The following DGCR2 variants were observed in gnomAD, a reference collection of about 807,000 sequenced individuals.
The protein encoded by DGCR2 is DiGeorge syndrome critical region gene 2.
Under a neutral mutation model 51.6 loss-of-function variants are expected in DGCR2, and 24 were observed. The ratio of observed to expected loss-of-function variants is 0.47; its 90% CI spans 0.34 to 0.65. The LOEUF is 0.65. Ranked by LOEUF, DGCR2 falls within the 30% of genes least tolerant of loss-of-function variation. The pLI is 0.01. For missense variants in DGCR2, 765 were observed against 772.1 expected, an observed-to-expected ratio of 0.99 and a Z score of 0.11; for synonymous variants, 340 against 315.4, an observed-to-expected ratio of 1.08 and a Z score of -0.82.
intron 1 of DGCR2, among the ~76,000 whole-genome samples, chr22:19,097,150 G>A (rs767203386): frequency 7.9e-5 from 12 of 152,134 alleles, no homozygotes; most frequent in Non-Finnish European, 1.3e-4. Context: ...CTTCCCCCAT[G>A]CACCACATCC....
chr22:19,062,418 TC>T (rs1357966306), intron 5 of DGCR2, among the ~76,000 whole-genome samples: 1 of 152,148 alleles, frequency 6.6e-6, no homozygotes, highest in Non-Finnish European at 1.5e-5. Context: ...TTCAACCCTG[TC>T]CCCAGGCCCA....
intron 7 of DGCR2, among the ~76,000 whole-genome samples, chr22:19,045,812 T>G (rs1245375099): frequency 6.6e-6 from 1 of 152,164 alleles, no homozygotes; most frequent in Non-Finnish European, 1.5e-5. Context: ...CTGTAACCTT[T>G]ACCTCCCAGG....
intron 2 of DGCR2, among the ~76,000 whole-genome samples, chr22:19,069,325 G>A (rs1386906658): frequency 1.3e-5 from 2 of 152,200 alleles, no homozygotes; most frequent in African/African-American, 4.8e-5. Context: ...CTCTCCAGCA[G>A]GTTGGTTCTG....
intron 6 of DGCR2, among the ~76,000 whole-genome samples, chr22:19,054,485 T>C (rs940996942): frequency 6.6e-6 from 1 of 152,388 alleles, no homozygotes; most frequent in South Asian, 2.1e-4. Flanking sequence ...AAGGTGGTTC[T>C]ATCAAACACT....
chr22:19,063,163 G>A lies in DGCR2; in HGVS notation c.625+39C>T, dbSNP rs777550649. ...GGAGGCCCCGAATCAGGGTGACTCT[G>A]CCCAGCTTCAAACACTCCCACACAC... On this transcript the variant is annotated intron_variant, in intron 5 of 9. Transcript: ENST00000263196. The A allele has an allele frequency of 4.5e-5, 72 of 1,590,628 alleles. 1 individual carries two copies. The highest frequency in any genetic ancestry group is 2.7e-4 in the South Asian group (24 of 90,526).
chr22:19,062,769 A>G (rs554725638), intron 5 of DGCR2, among the ~76,000 whole-genome samples: 30 of 121,570 alleles, frequency 2.5e-4, no homozygotes, highest in African/African-American at 8.5e-4. Flanking sequence ...ACACACACAC[A>G]TGCATGCTCA....
chr22:19,090,560 T>C (rs1330647596), intron 1 of DGCR2, among the ~76,000 whole-genome samples: 2 of 152,220 alleles, frequency 1.3e-5, no homozygotes, highest in Admixed American at 1.3e-4. Context: ...TACAATTATT[T>C]AAAGCAAACA....
chr22:19,065,914 A>G (rs949713306), intron 3 of DGCR2: 3 of 152,212 alleles, frequency 2.0e-5, no homozygotes, highest in Non-Finnish European at 4.4e-5. Flanking sequence ...TGGCACTAGT[A>G]AAACTTCTAG....
intron 3 of DGCR2, among the ~76,000 whole-genome samples, chr22:19,067,508 G>T (rs5993490): frequency 0.49 from 74,649 of 151,726 alleles, 19,459 homozygotes; most frequent in African/African-American, 0.67. Flanking sequence ...GCCTGGTCAA[G>T]GTGGTGAAAC....
At chr22:19,118,574 G>C (rs1004391084) in intron 1 of DGCR2, among the ~76,000 whole-genome samples, 47 of 152,056 alleles carry the variant, frequency 3.1e-4, no homozygotes, top group African/African-American at 1.1e-3. Flanking sequence ...CCTTAGACAA[G>C]TCACTTGCCT....
chr22:19,073,155 T>C (rs761947495), intron 2 of DGCR2, among the ~76,000 whole-genome samples: 1 of 152,096 alleles, frequency 6.6e-6, no homozygotes. Context: ...TCCCAGCTAC[T>C]CAGGAGGATG....
intron 3 of DGCR2, chr22:19,065,985 A>C (rs2082744019): frequency 6.6e-6 from 1 of 152,256 alleles, no homozygotes; most frequent in South Asian, 2.1e-4. Context: ...TCATAAAGGC[A>C]CATAGATTAC....
At chr22:19,048,791 G>C in intron 6 of DGCR2, 148 bp from the exon 7 acceptor site, 1 of 761,576 alleles carries the variant, frequency 1.3e-6, no homozygotes, top group Non-Finnish European at 2.2e-6. Context: ...GGCAGCTGGA[G>C]GGGGCATGTG....
chr22:19,050,968 C>G lies in DGCR2; in HGVS notation c.803-2325G>C, dbSNP rs575032686. Among the ~76,000 whole-genome samples, 11 of 152,158 alleles carry G rather than the reference C, an allele frequency of 7.2e-5. No individual in the cohort carries two copies. The South Asian group carries it at 2.3e-3, about 32-fold the overall frequency. On this transcript the variant is annotated intron_variant, in intron 6 of 9. Transcript: ENST00000263196. Reference sequence around the variant, plus strand: ...CTTTGTGAGGCCGAGGTAGGTGGATCACCTGAGGTCAGGAGTTTGAGACCA... The same window carrying G: ...CTTTGTGAGGCCGAGGTAGGTGGATGACCTGAGGTCAGGAGTTTGAGACCA...
intron 6 of DGCR2, chr22:19,055,853 G>A (rs1393076601): frequency 8.3e-5 from 13 of 156,696 alleles, no homozygotes; most frequent in Non-Finnish European, 8.6e-5. Flanking sequence ...TGATCAAGGG[G>A]AATAAGCAGA....
intron 2 of DGCR2, among the ~76,000 whole-genome samples, chr22:19,078,130 C>T (rs973073219): frequency 6.6e-6 from 1 of 152,296 alleles, no homozygotes; most frequent in Non-Finnish European, 1.5e-5. Flanking sequence ...CACCCAGTGT[C>T]TTCTTTAATT....
At chr22:19,063,342 G>C in intron 4 of DGCR2, 64 bp from the exon 5 acceptor site, 3 of 1,513,946 alleles carry the variant, frequency 2.0e-6, no homozygotes, top group Non-Finnish European at 2.7e-6. Flanking sequence ...ATCAATGACT[G>C]TGTGTTTTTT....
At chr22:19,064,788 T>C (rs1285361763) in intron 4 of DGCR2, 60 bp downstream of exon 4, 4 of 1,510,132 alleles carry the variant, frequency 2.6e-6, no homozygotes, top group South Asian at 2.3e-5. Flanking sequence ...TCAGAGGCCA[T>C]GTGCTCAGTA....
chr22:19,070,094 A>G (rs1425112793), intron 2 of DGCR2, among the ~76,000 whole-genome samples: 1 of 152,126 alleles, frequency 6.6e-6, no homozygotes, highest in Non-Finnish European at 1.5e-5. Context: ...GGGGACCATC[A>G]GCTCTTTAGG....
Sources: allele counts gnomAD v4.1 joint callset (sites outside exome capture counted in the v4.1 genomes callset), GRCh38; gene constraint gnomAD v4.1.1; transcripts MANE v1.5; gene names NCBI Gene and HGNC (gene_info 2026-07-23, HGNC 2026-07-21).